HSD17B6: variants seen among roughly 807,000 people sequenced by gnomAD.
The protein encoded by HSD17B6 is 17-beta-hydroxysteroid dehydrogenase type 6.
A neutral mutation model predicts 26.4 loss-of-function variants in HSD17B6; 16 were observed. That is an observed-to-expected ratio of 0.61 (90% CI 0.41 to 0.92). The LOEUF (loss-of-function observed/expected upper bound fraction) is 0.92. HSD17B6 is among the 40% of genes least tolerant of loss of function. HSD17B6 has a pLI of 0.00. For synonymous variants in HSD17B6, 139 were observed against 153.0 expected (o/e 0.91, Z 0.68); for missense variants, 357 against 386.1 (o/e 0.92, Z 0.63).
intron 3 of HSD17B6, among the ~76,000 whole-genome samples, chr12:56,782,705 G>C (rs144586092): frequency 0.026 from 3,798 of 146,966 alleles, 152 homozygotes; most frequent in African/African-American, 0.09. Context: ...GGTGTTTCTC[G>C]CAGAGGGGGA....
At chr12:56,781,358 C>A (rs1954710572) in intron 2 of HSD17B6, among the ~76,000 whole-genome samples, 1 of 152,116 alleles carries the variant, frequency 6.6e-6, no homozygotes, top group Admixed American at 6.5e-5. Context: ...CTTTCTTCCA[C>A]TATGTCTATC....
chr12:56,765,464 A>C (rs1954304143), intron 1 of HSD17B6, among the ~76,000 whole-genome samples: 1 of 151,972 alleles, frequency 6.6e-6, no homozygotes, highest in Non-Finnish European at 1.5e-5. Flanking sequence ...ACAAAAACAC[A>C]CACACAAAAA....
At chr12:56,764,416 A>G (rs1371179422) in intron 1 of HSD17B6, among the ~76,000 whole-genome samples, 2 of 152,226 alleles carry the variant, frequency 1.3e-5, no homozygotes, top group South Asian at 4.1e-4. Flanking sequence ...GGCCCAAAAT[A>G]GTGATAAAGA....
At position 56,787,717 on chromosome 12, in the gene HSD17B6, G is replaced by T. The variant is rs960402197; in HGVS notation, c.*375G>T. 2 of 179,166 alleles carry T rather than the reference G, an allele frequency of 1.1e-5. No individual in the cohort carries two copies. Among genetic ancestry groups the T allele is most frequent in the Non-Finnish European group, 2.3e-5 (2 of 85,258 alleles). 11.1% of individuals were successfully genotyped at this position (179,166 alleles called of 1,614,324 possible). ...TGAGGAAACTACTAAGAAATATGTT[G>T]GTGTGTTTGTCCTTACTTGAAATGG... On this transcript the variant is annotated 3_prime_UTR_variant, in exon 5 of 5. Coordinates refer to ENST00000322165, the MANE Select transcript of HSD17B6 (RefSeq NM_003725.4).
At chr12:56,772,419 G>A (rs1954493931) in intron 1 of HSD17B6, among the ~76,000 whole-genome samples, 1 of 152,178 alleles carries the variant, frequency 6.6e-6, no homozygotes, top group Non-Finnish European at 1.5e-5. Context: ...TTATGGCTGG[G>A]TGTGGTGGCT....
chr12:56,784,300 C>T (rs570459871), intron 3 of HSD17B6, among the ~76,000 whole-genome samples: 22 of 151,966 alleles, frequency 1.4e-4, no homozygotes, highest in East Asian at 7.7e-4. Flanking sequence ...GCTGCAATCT[C>T]GGCATTTTGG....
At chr12:56,786,717 G>T (rs1954882875) in intron 4 of HSD17B6, among the ~76,000 whole-genome samples, 1 of 152,166 alleles carries the variant, frequency 6.6e-6, no homozygotes, top group East Asian at 1.9e-4. Flanking sequence ...TGGGCATGGG[G>T]ATGCGAACCT....
chr12:56,786,978 C>A, intron 4 of HSD17B6, 147 bp from the exon 5 acceptor site: 1 of 603,296 alleles, frequency 1.7e-6, no homozygotes, highest in Non-Finnish European at 2.9e-6. Context: ...TCAATAGCTA[C>A]ATGTGGCTAG....
At position 56,782,164 on chromosome 12, in the gene HSD17B6, A is replaced by G. The variant is rs1172725838; in HGVS notation, c.504A>G (p.Arg168=). 5 of 1,614,062 alleles carry G rather than the reference A, an allele frequency of 3.1e-6. No individual in the cohort carries two copies. The highest frequency in any genetic ancestry group is 1.3e-5 in the African/African-American group (1 of 74,924). The part of the protein sequence containing the change: ...RIVNVSSILG[R]VAFFVGGYCV... ...TCAATGTCTCCAGCATTCTGGGAAG[A>G]GTTGCTTTCTTTGTAGGAGGCTACT... is the stretch of plus-strand genomic sequence containing the variant. The change falls in exon 3 of 5, where the codon AGA becomes AGG. Residue 168 remains arginine (R), a synonymous_variant. Transcript: ENST00000322165.
intron 2 of HSD17B6, among the ~76,000 whole-genome samples, chr12:56,776,166 T>A (rs995803315): frequency 6.6e-6 from 1 of 152,206 alleles, no homozygotes; most frequent in Non-Finnish European, 1.5e-5. Context: ...CCTCAGGTGA[T>A]CTGCCCGCCT....
At chr12:56,773,339 C>T (rs760495345) in intron 1 of HSD17B6, among the ~76,000 whole-genome samples, 14 of 152,204 alleles carry the variant, frequency 9.2e-5, no homozygotes, top group Non-Finnish European at 1.9e-4. Flanking sequence ...ATCCAGATTC[C>T]GTAGTGTGGC....
In HSD17B6 at chr12:56,777,594, C is replaced by G. The variant is rs140749615; in HGVS notation, c.313+3429C>G. Among the ~76,000 whole-genome samples the G allele has an allele frequency of 6.6e-3, 1,001 of 152,198 alleles. 10 individuals carry two copies. Among genetic ancestry groups the G allele is most frequent in the African/African-American group, 0.022 (919 of 41,504 alleles). On this transcript the variant is annotated intron_variant, in intron 2 of 4. Transcript: ENST00000322165. ...GTCAGACTGGTCTCGAACTCCTGAC[C>G]TCAGGTGATCCGCCTGTCTTGGCCT...
chr12:56,780,019 A>G (rs2137921392), intron 2 of HSD17B6, among the ~76,000 whole-genome samples: 1 of 152,328 alleles, frequency 6.6e-6, no homozygotes, highest in East Asian at 1.9e-4. Context: ...GGCACATTGA[A>G]GACACCATTC....
intron 2 of HSD17B6, among the ~76,000 whole-genome samples, chr12:56,779,736 G>T (rs914179646): frequency 6.7e-6 from 1 of 149,774 alleles, no homozygotes; most frequent in African/African-American, 2.5e-5. Context: ...TTGCTGCTGT[G>T]TATTTCAGTT....
intron 1 of HSD17B6, among the ~76,000 whole-genome samples, chr12:56,768,717 G>A (rs1313314151): frequency 3.4e-5 from 5 of 145,558 alleles, no homozygotes; most frequent in Non-Finnish European, 7.6e-5. Flanking sequence ...AATAATAAGG[G>A]AGGAGTCAAA....
chr12:56,780,559 T>G (rs964891383), intron 2 of HSD17B6, among the ~76,000 whole-genome samples: 1 of 152,108 alleles, frequency 6.6e-6, no homozygotes, highest in Non-Finnish European at 1.5e-5. Context: ...CTTTGCCTCT[T>G]TTAAAAAGTT....
chr12:56,766,508 T>C (rs192316853), intron 1 of HSD17B6, among the ~76,000 whole-genome samples: 186 of 152,256 alleles, frequency 1.2e-3, no homozygotes, highest in African/African-American at 4.4e-3. Context: ...TTAAAGCTCT[T>C]TGGTTTTGAT....
chr12:56,765,425 A>T (rs1802962796), intron 1 of HSD17B6, among the ~76,000 whole-genome samples: 1 of 152,112 alleles, frequency 6.6e-6, no homozygotes, highest in South Asian at 2.1e-4. Flanking sequence ...ACAGAGCAAG[A>T]TTCCGTCTCA....
At chr12:56,785,108 A>T (rs1481467141) in intron 4 of HSD17B6, 92 bp downstream of exon 4, 95 of 1,330,978 alleles carry the variant, frequency 7.1e-5, no homozygotes, top group Non-Finnish European at 9.2e-5. Flanking sequence ...TGGGTAATTT[A>T]TAAAGAAAAG....
Sources: gnomAD v4.1 joint callset for allele counts (sites outside exome capture counted in the v4.1 genomes callset) on GRCh38, gnomAD v4.1.1 for gene constraint, MANE v1.5 for transcripts, NCBI Gene and HGNC (gene_info 2026-07-23, HGNC 2026-07-21) for gene names.